PTPN13: variants seen among roughly 807,000 people sequenced by gnomAD.
The protein encoded by PTPN13 is protein tyrosine phosphatase non-receptor type 13.
In PTPN13, 191 loss-of-function variants were observed where a neutral mutation model predicts 284.0. The observed-to-expected ratio is 0.67, with a 90% CI of 0.60 to 0.76. The LOEUF is 0.76. Ranked by LOEUF, PTPN13 falls within the 30% of genes least tolerant of loss-of-function variation. PTPN13 has a pLI of 0.00. For synonymous variants in PTPN13, 986 were observed against 1,022.3 expected, an observed-to-expected ratio of 0.96 and a Z score of 0.68; for missense variants, 2,797 against 2,939.9, an observed-to-expected ratio of 0.95 and a Z score of 1.12.
At chr4:86,643,505 T>A (rs1724058657) in intron 2 of PTPN13, among the ~76,000 whole-genome samples, 1 of 152,188 alleles carries the variant, frequency 6.6e-6, no homozygotes, top group East Asian at 1.9e-4. Context: ...TAGACAACTT[T>A]AAAAAATCTT....
chr4:86,790,621 C>G (rs180769996), intron 40 of PTPN13, among the ~76,000 whole-genome samples: 101 of 152,258 alleles, frequency 6.6e-4, no homozygotes, highest in African/African-American at 2.3e-3. Context: ...GAGGAGAAGA[C>G]ACAATGCTGA....
At chr4:86,807,523 A>C (rs17694112) in intron 44 of PTPN13, 37 bp from the exon 45 acceptor site, 229,089 of 1,470,354 alleles carry the variant, frequency 0.16, 20,102 homozygotes, top group East Asian at 0.33. Flanking sequence ...AAAATGCATG[A>C]TATGGATGGC....
intron 28 of PTPN13, among the ~76,000 whole-genome samples, chr4:86,769,312 T>G (rs1739709627): frequency 6.6e-6 from 1 of 152,114 alleles, no homozygotes; most frequent in Admixed American, 6.5e-5. Context: ...CCCCTTTTTT[T>G]GTCTGTTATC....
chr4:86,636,266 G>A (rs1448199548), intron 2 of PTPN13, among the ~76,000 whole-genome samples: 1 of 152,200 alleles, frequency 6.6e-6, no homozygotes, highest in Admixed American at 6.5e-5. Context: ...GTGTTTCCCT[G>A]TGGAGGAGGT....
At chr4:86,651,702 C>A (rs1173188179) in intron 2 of PTPN13, among the ~76,000 whole-genome samples, 1 of 152,086 alleles carries the variant, frequency 6.6e-6, no homozygotes, top group Non-Finnish European at 1.5e-5. Context: ...TCATGCTTCA[C>A]TCTTGGTTGG....
chr4:86,784,537 C>G lies in PTPN13; in HGVS notation c.6097C>G (p.Pro2033Ala). ...KCSTYQIKGSPNLTLPKESYI... is the reference protein window; with the variant it reads ...KCSTYQIKGSANLTLPKESYI... Reference sequence around the variant, plus strand: ...TTCTACTTATCAGATAAAGGGATCACCAAACTTGACTCTGCCCAAAGGTAG... The same window carrying G: ...TTCTACTTATCAGATAAAGGGATCAGCAAACTTGACTCTGCCCAAAGGTAG... Residue 2033 changes from proline to alanine, a missense_variant, in exon 38 of 48, where the codon CCA (proline) becomes GCA (alanine). Pro to Ala is a conservative substitution (Grantham distance 27). Coordinates refer to ENST00000411767, the MANE Select transcript of PTPN13 (RefSeq NM_080683.3). The G allele has an allele frequency of 6.2e-7, 1 of 1,606,550 alleles. No individual in the cohort carries two copies. Among genetic ancestry groups the G allele is most frequent in the Non-Finnish European group, 8.5e-7 (1 of 1,177,062 alleles).
chr4:86,635,032 A>G (rs2148720749), intron 1 of PTPN13, among the ~76,000 whole-genome samples: 1 of 152,240 alleles, frequency 6.6e-6, no homozygotes, highest in South Asian at 2.1e-4. Context: ...CTGTCTCTGA[A>G]GTTGACCGTG....
intron 45 of PTPN13, among the ~76,000 whole-genome samples, chr4:86,808,385 A>G (rs973011557): frequency 1.3e-5 from 2 of 152,234 alleles, no homozygotes; most frequent in Non-Finnish European, 2.9e-5. Flanking sequence ...CACTGGATCA[A>G]TCTAGCTTGA....
Position 86,677,144 on chromosome 4 carries a change from G to C in PTPN13, c.294+4601G>C, listed in dbSNP as rs950004391. Among the ~76,000 whole-genome samples the C allele has an allele frequency of 2.6e-5, 4 of 151,792 alleles. No individual in the cohort carries two copies. In the East Asian group the frequency reaches 7.9e-4, roughly 30 times the overall value. ...TAACCAGGCATGGTGGCGGGCACCA[G>C]TAGTCCCAGCTACTTGCGAGGCTGA... is the stretch of plus-strand genomic sequence containing the variant. On this transcript the variant is annotated intron_variant, in intron 3 of 47. Coordinates refer to ENST00000411767, the MANE Select transcript of PTPN13 (RefSeq NM_080683.3).
At chr4:86,688,958 AT>A in intron 4 of PTPN13, 46 bp from the exon 5 acceptor site, 1 of 1,446,434 alleles carries the variant, frequency 6.9e-7, no homozygotes, top group South Asian at 1.2e-5. Context: ...ATTAGAAAAA[AT>A]ATTTGCTCAC....
At chr4:86,667,294 G>C (rs1727193961) in intron 2 of PTPN13, among the ~76,000 whole-genome samples, 1 of 152,124 alleles carries the variant, frequency 6.6e-6, no homozygotes, top group Admixed American at 6.5e-5. Flanking sequence ...TGTCTTTAAA[G>C]AGACTATGAT....
At chr4:86,595,293 AG>A (rs1763545450) in intron 1 of PTPN13, among the ~76,000 whole-genome samples, 1 of 151,662 alleles carries the variant, frequency 6.6e-6, no homozygotes, top group Non-Finnish European at 1.5e-5. Flanking sequence ...GCAGAGGAAG[AG>A]GGGGCAGAGG....
At chr4:86,696,046 T>C (rs957218435) in intron 6 of PTPN13, among the ~76,000 whole-genome samples, 1 of 152,014 alleles carries the variant, frequency 6.6e-6, no homozygotes, top group Non-Finnish European at 1.5e-5. Flanking sequence ...TTTCAATGGT[T>C]CAGAGGCTTA....
chr4:86,681,024 T>TTGA (rs1465471976), intron 3 of PTPN13, among the ~76,000 whole-genome samples: 1 of 151,236 alleles, frequency 6.6e-6, no homozygotes, highest in African/African-American at 2.4e-5. Flanking sequence ...GATGATGATT[T>TTGA]TGATGATGGT....
At chr4:86,664,323 G>T (rs1030722256) in intron 2 of PTPN13, among the ~76,000 whole-genome samples, 1 of 152,072 alleles carries the variant, frequency 6.6e-6, no homozygotes, top group Non-Finnish European at 1.5e-5. Flanking sequence ...GTATTTTCTG[G>T]GTGAATAATT....
chr4:86,628,434 A>G (rs2148691965), intron 1 of PTPN13, among the ~76,000 whole-genome samples: 1 of 151,422 alleles, frequency 6.6e-6, no homozygotes, highest in Admixed American at 6.6e-5. Context: ...TATATTCTGG[A>G]TATAAGTCCT....
chr4:86,643,112 C>T (rs1197339117), intron 2 of PTPN13, among the ~76,000 whole-genome samples: 2 of 151,984 alleles, frequency 1.3e-5, no homozygotes, highest in African/African-American at 4.8e-5. Context: ...GGATATAAAT[C>T]CCTTTATAAG....
chr4:86,717,189 ATTTTT>A, intron 9 of PTPN13, 72 bp downstream of exon 9: 5 of 739,786 alleles, frequency 6.8e-6, no homozygotes, highest in South Asian at 2.0e-5. Context: ...ATTAAATGGA[ATTTTT>A]TTTTTTTTTT....
At chr4:86,664,165 A>G (rs572670692) in intron 2 of PTPN13, among the ~76,000 whole-genome samples, 1 of 152,306 alleles carries the variant, frequency 6.6e-6, no homozygotes, top group East Asian at 1.9e-4. Context: ...GGAAACAGAA[A>G]GCCTGCGTAA....
Sources: gnomAD v4.1 joint callset for allele counts (sites outside exome capture counted in the v4.1 genomes callset) on GRCh38, gnomAD v4.1.1 for gene constraint, MANE v1.5 for transcripts, NCBI Gene and HGNC (gene_info 2026-07-23, HGNC 2026-07-21) for gene names.